Variants in DOCK4 observed in about 807,000 individuals in gnomAD.
DOCK4 encodes dedicator of cytokinesis 4, also known as dedicator of cytokinesis protein 4.
A neutral mutation model predicts 268.1 loss-of-function variants in DOCK4; 97 were observed. That is an observed-to-expected ratio of 0.36 (90% CI 0.31 to 0.43). The LOEUF is 0.43. DOCK4 is among the 20% of genes least tolerant of loss of function. The probability of loss-of-function intolerance (pLI) is 1.00; values close to 1 mark genes in which losing one functional copy is unlikely to be tolerated. For missense variants in DOCK4, 2,145 were observed against 2,455.7 expected (o/e 0.87, Z 2.67); for synonymous variants, 954 against 887.2 (o/e 1.08, Z -1.34).
rs151147977 is a variant in DOCK4 at position 111,924,956 on chromosome 7, T to C, written c.1067-9052A>G. 2.0e-3 allele frequency among the ~76,000 whole-genome samples: 299 copies of C among 149,272 alleles called. 6 individuals are homozygous for C. Among genetic ancestry groups the C allele is most frequent in the African/African-American group, 6.8e-3 (273 of 40,420 alleles). ...GGTGGGGGCTGAGAGTAAAACACAA[T>C]TGGTGGAATTTCTAAACTTGTACTA... On this transcript the variant is annotated intron_variant, in intron 12 of 52. Coordinates refer to ENST00000428084, the MANE Select transcript of DOCK4 (RefSeq NM_001363540.2).
intron 16 of DOCK4, among the ~76,000 whole-genome samples, chr7:111,878,139 G>C (rs1249160841): frequency 6.6e-6 from 1 of 152,204 alleles, no homozygotes; most frequent in African/African-American, 2.4e-5. Context: ...GGGGTTTGCT[G>C]TAAGATGCCT....
At chr7:112,108,975 C>T (rs1488876782) in intron 1 of DOCK4, among the ~76,000 whole-genome samples, 1 of 151,616 alleles carries the variant, frequency 6.6e-6, no homozygotes, top group Non-Finnish European at 1.5e-5. Flanking sequence ...TTTTTTTTTA[C>T]TGGGGGAGGA....
chr7:112,004,612 G>A (rs1800704152), intron 1 of DOCK4, among the ~76,000 whole-genome samples: 1 of 152,186 alleles, frequency 6.6e-6, no homozygotes, highest in Non-Finnish European at 1.5e-5. Flanking sequence ...TAAACTGTAA[G>A]TTTCTCAAGA....
At position 112,137,970 on chromosome 7, in the gene DOCK4, T is replaced by C. The variant is rs1814519878; in HGVS notation, c.37+68132A>G. Reference sequence around the variant, plus strand: ...CACACAGTCAACATTCAGTAAATGTTAGCCATGATCATAATCAATCATCAT... The same window carrying C: ...CACACAGTCAACATTCAGTAAATGTCAGCCATGATCATAATCAATCATCAT... On this transcript the variant is annotated intron_variant, in intron 1 of 52. Coordinates refer to ENST00000428084, the MANE Select transcript of DOCK4 (RefSeq NM_001363540.2). Among the ~76,000 whole-genome samples the C allele has an allele frequency of 2.6e-5, 4 of 152,226 alleles. No homozygotes were observed. The South Asian group carries it at 8.3e-4, about 31-fold the overall frequency.
intron 49 of DOCK4, among the ~76,000 whole-genome samples, chr7:111,738,110 CT>C: frequency 1.3e-5 from 2 of 152,286 alleles, no homozygotes; most frequent in Non-Finnish European, 2.9e-5. Context: ...ATTCCCAAAT[CT>C]TTAAAACTCA....
At chr7:111,816,971 T>C (rs78737679) in intron 27 of DOCK4, among the ~76,000 whole-genome samples, 2,017 of 152,324 alleles carry the variant, frequency 0.013, 55 homozygotes, top group African/African-American at 0.046. Context: ...GCAAAAAGAA[T>C]GGGAAAGGAT....
intron 35 of DOCK4, among the ~76,000 whole-genome samples, chr7:111,779,996 A>C (rs1488275121): frequency 3.3e-5 from 5 of 152,192 alleles, no homozygotes; most frequent in Non-Finnish European, 7.3e-5. Flanking sequence ...TGAGGGAATA[A>C]ATCTGTTGAC....
intron 12 of DOCK4, among the ~76,000 whole-genome samples, chr7:111,920,650 G>C (rs1467814898): frequency 6.6e-6 from 1 of 152,122 alleles, no homozygotes; most frequent in Non-Finnish European, 1.5e-5. Context: ...TCCTGCCACA[G>C]TTCAAAATGC....
intron 8 of DOCK4, among the ~76,000 whole-genome samples, chr7:111,961,487 A>G (rs1338505094): frequency 6.6e-6 from 1 of 152,210 alleles, no homozygotes; most frequent in East Asian, 1.9e-4. Context: ...TACAACTGGA[A>G]TTCCCTCACC....
chr7:111,991,258 C>T (rs1799501959), intron 5 of DOCK4, among the ~76,000 whole-genome samples: 1 of 152,110 alleles, frequency 6.6e-6, no homozygotes, highest in South Asian at 2.1e-4. Context: ...GGAAGAAAAC[C>T]CAGGTGTGGC....
chr7:112,191,572 A>C (rs1333157140), intron 1 of DOCK4, among the ~76,000 whole-genome samples: 1 of 152,180 alleles, frequency 6.6e-6, no homozygotes, highest in Non-Finnish European at 1.5e-5. Context: ...TATCTTATTT[A>C]AAAAATAAAG....
intron 30 of DOCK4, among the ~76,000 whole-genome samples, chr7:111,804,236 T>C (rs556899955): frequency 2.0e-5 from 3 of 152,354 alleles, no homozygotes; most frequent in South Asian, 4.1e-4. Context: ...GGTATATCCA[T>C]ACGACAGAAT....
intron 34 of DOCK4, 84 bp downstream of exon 34, chr7:111,783,772 GT>G: frequency 8.4e-7 from 1 of 1,193,040 alleles, no homozygotes; most frequent in Non-Finnish European, 1.2e-6. Flanking sequence ...ATTCACAAGA[GT>G]GGAACGTTGA....
intron 1 of DOCK4, among the ~76,000 whole-genome samples, chr7:112,049,189 A>G (rs939974707): frequency 6.6e-6 from 1 of 152,218 alleles, no homozygotes; most frequent in Non-Finnish European, 1.5e-5. Flanking sequence ...TCTAACAAAA[A>G]TAATAATATA....
intron 42 of DOCK4, among the ~76,000 whole-genome samples, chr7:111,750,853 A>C (rs1796589528): frequency 1.3e-5 from 2 of 152,214 alleles, no homozygotes; most frequent in Non-Finnish European, 2.9e-5. Context: ...GATTAAAACA[A>C]AACAAATATA....
At chr7:111,854,944 C>T (rs540426871) in intron 23 of DOCK4, among the ~76,000 whole-genome samples, 81 of 152,268 alleles carry the variant, frequency 5.3e-4, no homozygotes, top group Non-Finnish European at 1.1e-3. Flanking sequence ...AAGCAAAACA[C>T]AGTGTACTAT....
chr7:112,032,213 C>T (rs896173070), intron 1 of DOCK4, among the ~76,000 whole-genome samples: 32 of 152,058 alleles, frequency 2.1e-4, no homozygotes, highest in Non-Finnish European at 3.5e-4. Context: ...ACCTCAACTG[C>T]GTTAACATTA....
At chr7:111,779,174 C>T (rs550586990) in intron 35 of DOCK4, among the ~76,000 whole-genome samples, 1 of 151,802 alleles carries the variant, frequency 6.6e-6, no homozygotes, top group Non-Finnish European at 1.5e-5. Context: ...TAAAAAGGCT[C>T]TTTATTTTTA....
chr7:112,018,179 A>AAAAAAACAAC lies in DOCK4; in HGVS notation c.38-14049_38-14048insGTTGTTTTTT. The stretch of plus-strand genomic sequence containing the variant: ...AAAAAAAAAAAAAAAAAAAAAAAAA[A>AAAAAAACAAC]ACACAGGCAACCAGTATTCATGTGG... On this transcript the variant is annotated intron_variant, in intron 1 of 52. Coordinates refer to ENST00000428084, the MANE Select transcript of DOCK4 (RefSeq NM_001363540.2). Among the ~76,000 whole-genome samples the AAAAAAACAAC allele has an allele frequency of 1.9e-4, 14 of 72,628 alleles. 2 individuals are homozygous for AAAAAAACAAC. The East Asian group carries it at 2.0e-3, about 10-fold the overall frequency. The allele number at this position is 72,628 out of a possible 152,430, so 47.6% of individuals were successfully genotyped here.
Sources: allele counts gnomAD v4.1 joint callset (sites outside exome capture counted in the v4.1 genomes callset), GRCh38; gene constraint gnomAD v4.1.1; transcripts MANE v1.5; gene names NCBI Gene and HGNC (gene_info 2026-07-23, HGNC 2026-07-21).